The following RANGAP1 variants were observed in gnomAD, a reference collection of about 807,000 sequenced individuals.
RANGAP1 encodes the protein ran GTPase-activating protein 1.
Under a neutral mutation model 63.5 loss-of-function variants are expected in RANGAP1, and 38 were observed. That is an observed-to-expected ratio of 0.60 (90% CI 0.46 to 0.78). The LOEUF (loss-of-function observed/expected upper bound fraction) is 0.78, where lower values mean the gene tolerates loss of function less well. RANGAP1 is among the 30% of genes least tolerant of loss of function. The pLI, the probability that RANGAP1 is intolerant of heterozygous loss-of-function variation, is 0.00. For missense variants in RANGAP1, 630 were observed against 740.3 expected (o/e 0.85, Z 1.73); for synonymous variants, 329 against 310.5 (o/e 1.06, Z -0.63).
chr22:41,288,805 G>C (rs563299961), upstream of RANGAP1, among the ~76,000 whole-genome samples: 1 of 151,638 alleles, frequency 6.6e-6, no homozygotes, highest in Admixed American at 6.6e-5. Flanking sequence ...TGGGGCTTGG[G>C]GGGAGTTAGA....
intron 14 of RANGAP1, 49 bp from the exon 15 acceptor site, chr22:41,249,500 G>A: frequency 6.2e-7 from 1 of 1,611,252 alleles, no homozygotes; most frequent in African/African-American, 1.3e-5. Flanking sequence ...GTCACCTGGG[G>A]GGGCCCCTGG....
At chr22:41,272,175 G>C (rs193117612) in intron 3 of RANGAP1, among the ~76,000 whole-genome samples, 1 of 152,330 alleles carries the variant, frequency 6.6e-6, no homozygotes, top group East Asian at 1.9e-4. Context: ...CTCCTGCTGA[G>C]TCCTGTAGCC....
chr22:41,293,069 A>G, the RANGAP1 span, among the ~76,000 whole-genome samples: 3 of 151,886 alleles, frequency 2.0e-5, no homozygotes, highest in African/African-American at 4.8e-5. Context: ...CCCCGTCTCT[A>G]CTAAAAATAC....
At chr22:41,294,316 G>A in the RANGAP1 span, among the ~76,000 whole-genome samples, 1 of 152,214 alleles carries the variant, frequency 6.6e-6, no homozygotes, top group Non-Finnish European at 1.5e-5. Flanking sequence ...GGCCTCCCGA[G>A]GTGCCGGGAT....
At chr22:41,285,458 G>A (rs1202252005) in intron 1 of RANGAP1, 1 of 971,846 alleles carries the variant, frequency 1.0e-6, no homozygotes, top group Non-Finnish European at 1.2e-6. Context: ...GGCTAATAGA[G>A]AAACATCCTC....
Position 41,281,048 on chromosome 22 carries a change from G to A in RANGAP1, c.-4C>T, listed in dbSNP as rs766912980. ...TGGCAATGTCTTCCGAGGCCATGTT[G>A]ACTAGGCTGGTGGGCTCCCCTGGAG... On this transcript the variant is annotated 5_prime_UTR_variant, in exon 2 of 16. Coordinates refer to ENST00000356244, the MANE Select transcript of RANGAP1 (RefSeq NM_002883.4). 4.3e-5 allele frequency: 68 copies of A among 1,592,152 alleles called. No individual in the cohort carries two copies. The highest frequency in any genetic ancestry group is 5.6e-5 in the Non-Finnish European group (66 of 1,170,850).
chr22:41,259,518 A>G (rs2034039617), intron 6 of RANGAP1, among the ~76,000 whole-genome samples: 1 of 152,238 alleles, frequency 6.6e-6, no homozygotes, highest in African/African-American at 2.4e-5. Flanking sequence ...AAAAAACTCC[A>G]AACGCATGCT....
In RANGAP1 at chr22:41,253,065, A is replaced by G. The variant is rs2033582457; in HGVS notation, c.1261-74T>C. The stretch of plus-strand genomic sequence containing the variant: ...CCCCGACACAGCTGTGCCCATCCCC[A>G]CACCCAGCACATCCACCCTTCACTC... On this transcript the variant is annotated intron_variant, in intron 11 of 15. Coordinates refer to ENST00000356244, the MANE Select transcript of RANGAP1 (RefSeq NM_002883.4). The G allele has an allele frequency of 2.3e-6, 3 of 1,315,664 alleles. No homozygotes were observed. In the African/African-American group the frequency reaches 4.6e-5, roughly 20 times the overall value. 81.5% of individuals were successfully genotyped at this position (1,315,664 alleles called of 1,614,324 possible).
chr22:41,276,610 C>A (rs1007811267), intron 2 of RANGAP1, among the ~76,000 whole-genome samples: 2 of 151,870 alleles, frequency 1.3e-5, no homozygotes, highest in Admixed American at 1.3e-4. Context: ...TTGCACTAAT[C>A]CCTGGGCAAC....
At chr22:41,288,413 G>A (rs1344402624), upstream of RANGAP1, among the ~76,000 whole-genome samples, 1 of 152,154 alleles carries the variant, frequency 6.6e-6, no homozygotes, top group East Asian at 1.9e-4. Context: ...GGCCTGGCCT[G>A]TCATAGGTGC....
chr22:41,301,725 C>T, the RANGAP1 span: 2 of 152,054 alleles, frequency 1.3e-5, no homozygotes, highest in African/African-American at 2.4e-5. Context: ...CATAGCATAC[C>T]ATTTATCGGG....
chr22:41,251,860 T>C (rs575266390), intron 12 of RANGAP1, among the ~76,000 whole-genome samples: 6 of 152,176 alleles, frequency 3.9e-5, no homozygotes, highest in Non-Finnish European at 8.8e-5. Context: ...AAGTGATGAA[T>C]GGTGCTACAC....
chr22:41,273,718 G>A (rs1022649964), intron 3 of RANGAP1, among the ~76,000 whole-genome samples: 5 of 126,784 alleles, frequency 3.9e-5, no homozygotes, highest in African/African-American at 1.5e-4. Context: ...AGCAAGCCAA[G>A]ATCGCACCAC....
chr22:41,278,711 A>T (rs963973688), intron 2 of RANGAP1, among the ~76,000 whole-genome samples: 2 of 152,252 alleles, frequency 1.3e-5, no homozygotes, highest in East Asian at 3.8e-4. Context: ...AAACAGCAAC[A>T]TTCCAATCTA....
chr22:41,246,569 T>TG lies in RANGAP1; in HGVS notation c.*33dup. ...TCATCCGAGTCCCTCCCCAGCTCAC[T>TG]GGTCCAGGCCAAGGGATGGGAGAGG... On this transcript the variant is annotated 3_prime_UTR_variant, in exon 16 of 16. Coordinates refer to ENST00000356244, the MANE Select transcript of RANGAP1 (RefSeq NM_002883.4). The TG allele has an allele frequency of 6.6e-7, 1 of 1,505,840 alleles. No homozygotes were observed. Among genetic ancestry groups the TG allele is most frequent in the East Asian group, 2.4e-5 (1 of 41,496 alleles). 93.3% of individuals were successfully genotyped at this position (1,505,840 alleles called of 1,614,324 possible).
At chr22:41,293,962 C>T in the RANGAP1 span, among the ~76,000 whole-genome samples, 1 of 151,832 alleles carries the variant, frequency 6.6e-6, no homozygotes, top group African/African-American at 2.4e-5. Context: ...CGTGCCTGGC[C>T]CACCTAACTT....
chr22:41,285,570 C>T (rs2035710273), intron 1 of RANGAP1: 4 of 985,342 alleles, frequency 4.1e-6, no homozygotes, highest in Non-Finnish European at 4.8e-6. Flanking sequence ...GCGGCGCCAG[C>T]CCGGGGCCCC....
At chr22:41,288,484 G>A (rs560024079), upstream of RANGAP1, among the ~76,000 whole-genome samples, 2 of 152,320 alleles carry the variant, frequency 1.3e-5, no homozygotes, top group Non-Finnish European at 2.9e-5. Context: ...CTTAAAATGA[G>A]TCATAGGCTT....
intron 2 of RANGAP1, among the ~76,000 whole-genome samples, chr22:41,275,955 A>C (rs973602058): frequency 6.6e-6 from 1 of 152,126 alleles, no homozygotes; most frequent in African/African-American, 2.4e-5. Flanking sequence ...TCTCAAAACA[A>C]AACAAACAAA....
Sources: gnomAD v4.1 joint callset for allele counts (sites outside exome capture counted in the v4.1 genomes callset) on GRCh38, gnomAD v4.1.1 for gene constraint, MANE v1.5 for transcripts, NCBI Gene and HGNC (gene_info 2026-07-23, HGNC 2026-07-21) for gene names.